TMEM184C: variants seen among roughly 807,000 people sequenced by gnomAD.
TMEM184C encodes transmembrane protein 34.
TMEM184C carries 25 observed loss-of-function variants against 54.5 expected under a neutral mutation model. That is an observed-to-expected ratio of 0.46 (90% CI 0.33 to 0.64). The LOEUF is 0.64. Among genes scored for constraint, TMEM184C ranks in the 30% least tolerant of loss-of-function variants. The probability of loss-of-function intolerance (pLI) is 0.02; values close to 1 mark genes in which losing one functional copy is unlikely to be tolerated. For synonymous variants in TMEM184C, 148 were observed against 181.5 expected, an observed-to-expected ratio of 0.82 and a Z score of 1.49; for missense variants, 335 against 520.3, an observed-to-expected ratio of 0.64 and a Z score of 3.46.
intron 8 of TMEM184C, 124 bp downstream of exon 8, chr4:147,633,126 A>G: frequency 1.4e-6 from 1 of 720,054 alleles, no homozygotes; most frequent in Non-Finnish European, 2.2e-6. Context: ...AGGTGAGAAA[A>G]CAGGGGAACC....
At position 147,622,288 on chromosome 4, in the gene TMEM184C, C is replaced by G. The variant is rs1161088977; in HGVS notation, c.124-1546C>G. Among the ~76,000 whole-genome samples the G allele has an allele frequency of 2.0e-5, 3 of 152,050 alleles. No homozygotes were observed. The East Asian group carries it at 5.8e-4, about 29-fold the overall frequency. ...AAAGGAGATCTAGAATATGCTTATC[C>G]TATTATTATTTTCTTAGATCATCAC... On this transcript the variant is annotated intron_variant, in intron 1 of 9. Transcript: ENST00000296582.
At chr4:147,618,468 A>T (rs1213120461) in intron 1 of TMEM184C, among the ~76,000 whole-genome samples, 2 of 152,178 alleles carry the variant, frequency 1.3e-5, no homozygotes, top group Non-Finnish European at 2.9e-5. Context: ...AGCTTCTTGA[A>T]TCAAAGCGTT....
chr4:147,628,008 A>C (rs1179684405), intron 4 of TMEM184C, among the ~76,000 whole-genome samples: 2 of 151,606 alleles, frequency 1.3e-5, no homozygotes, highest in African/African-American at 4.9e-5. Flanking sequence ...ACAGAAAATA[A>C]ATTAGCCAGG....
At chr4:147,623,668 G>T (rs1173678929) in intron 1 of TMEM184C, among the ~76,000 whole-genome samples, 166 bp from the exon 2 acceptor site, 1 of 150,346 alleles carries the variant, frequency 6.7e-6, no homozygotes, top group East Asian at 1.9e-4. Context: ...GTAGTGACGG[G>T]TTCTCACTTT....
At position 147,629,428 on chromosome 4, in the gene TMEM184C, T is replaced by C. The variant is rs189830698; in HGVS notation, c.573-171T>C. Among the ~76,000 whole-genome samples, 31 of 152,164 alleles carry C rather than the reference T, an allele frequency of 2.0e-4. 2 individuals carry two copies. The East Asian group carries it at 4.6e-3, about 23-fold the overall frequency. On this transcript the variant is annotated intron_variant, in intron 5 of 9. Coordinates refer to ENST00000296582, the MANE Select transcript of TMEM184C (RefSeq NM_018241.3). ...CACCTCTAGATCCAAAGTCAAGTGA[T>C]TGTCAATGGATCTCTCAAATAAACT...
chr4:147,635,214 A>G lies in TMEM184C; in HGVS notation c.*780A>G, dbSNP rs1732996648. Reference sequence around the variant, plus strand: ...AATGTCTTTCAATAAATAAGAATTTATCATTTATTTTCTGCAACTTTTTTA... The same window carrying G: ...AATGTCTTTCAATAAATAAGAATTTGTCATTTATTTTCTGCAACTTTTTTA... On this transcript the variant is annotated 3_prime_UTR_variant, in exon 10 of 10. Coordinates refer to ENST00000296582, the MANE Select transcript of TMEM184C (RefSeq NM_018241.3). 6.6e-6 allele frequency: 1 copy of G among 152,216 alleles called. No homozygotes were observed. The highest frequency in any genetic ancestry group is 6.5e-5 in the Admixed American group (1 of 15,280). The allele number at this position is 152,216 out of a possible 1,614,324, so 9.4% of individuals were successfully genotyped here. A position where few individuals can be genotyped will look rare whatever the true frequency, so the allele number is the denominator to read the frequency against.
intron 1 of TMEM184C, among the ~76,000 whole-genome samples, chr4:147,623,466 A>G (rs1732751304): frequency 1.3e-5 from 2 of 151,620 alleles, no homozygotes; most frequent in African/African-American, 4.8e-5. Context: ...AGAAACAGTG[A>G]TACTTAAGGT....
intron 1 of TMEM184C, among the ~76,000 whole-genome samples, chr4:147,622,945 G>T (rs963566631): frequency 6.6e-6 from 1 of 152,080 alleles, no homozygotes; most frequent in African/African-American, 2.4e-5. Context: ...TTTTTGTAGA[G>T]ATGGCATCTC....
At chr4:147,633,124 A>G in intron 8 of TMEM184C, 122 bp downstream of exon 8, 1 of 728,048 alleles carries the variant, frequency 1.4e-6, no homozygotes, top group Non-Finnish European at 2.2e-6. Context: ...ACAGGTGAGA[A>G]AACAGGGGAA....
intron 3 of TMEM184C, among the ~76,000 whole-genome samples, chr4:147,624,320 A>G (rs972438990): frequency 2.0e-5 from 3 of 151,680 alleles, no homozygotes; most frequent in African/African-American, 7.3e-5. Context: ...TTTCTTTTAA[A>G]CTTTCAGATT....
At chr4:147,624,217 A>G in intron 3 of TMEM184C, 119 bp downstream of exon 3, 1 of 796,208 alleles carries the variant, frequency 1.3e-6, no homozygotes, top group Admixed American at 3.2e-5. Context: ...ATAAGTAAAA[A>G]GGTTCACTTG....
chr4:147,618,149 T>G (rs1732634114), intron 1 of TMEM184C, 70 bp downstream of exon 1: 2 of 1,600,078 alleles, frequency 1.2e-6, no homozygotes, highest in Non-Finnish European at 1.7e-6. Flanking sequence ...AGAGACACCC[T>G]TACCCCATTT....
At position 147,634,648 on chromosome 4, in the gene TMEM184C, A is replaced by G; in HGVS notation, c.*214A>G. 1 of 533,066 alleles carries G rather than the reference A, an allele frequency of 1.9e-6. No homozygotes were observed. The highest frequency in any genetic ancestry group is 3.3e-6 in the Non-Finnish European group (1 of 305,688). The allele number at this position is 533,066 out of a possible 1,614,324, so 33.0% of individuals were successfully genotyped here. ...GACTTAGACTTGATTTCTTAACATT[A>G]GGGTATCGCATACTCAAATGGTAGA... is the stretch of plus-strand genomic sequence containing the variant. On this transcript the variant is annotated 3_prime_UTR_variant, in exon 10 of 10. Transcript: ENST00000296582.
chr4:147,632,338 A>T (rs1732933098), intron 7 of TMEM184C, among the ~76,000 whole-genome samples: 1 of 152,184 alleles, frequency 6.6e-6, no homozygotes, highest in Admixed American at 6.5e-5. Context: ...AACCTGTGTC[A>T]CATATAAAAC....
Position 147,633,016 on chromosome 4 carries a change from T to C in TMEM184C, c.879+14T>C. 2 of 1,601,280 alleles carry C rather than the reference T, an allele frequency of 1.2e-6. No homozygotes were observed. Among genetic ancestry groups the C allele is most frequent in the African/African-American group, 1.3e-5 (1 of 74,652 alleles). The stretch of plus-strand genomic sequence containing the variant: ...ACCGGACTCCAGGTAAGTAGTGCCA[T>C]CTCTGAATTCAATAGAACTTTACTA... On this transcript the variant is annotated intron_variant, in intron 8 of 9. Transcript: ENST00000296582.
intron 5 of TMEM184C, among the ~76,000 whole-genome samples, chr4:147,628,817 T>A (rs939143259): frequency 2.0e-5 from 3 of 152,210 alleles, no homozygotes; most frequent in African/African-American, 7.2e-5. Flanking sequence ...AGAAGTACTC[T>A]AAGAAAGAAG....
In TMEM184C at chr4:147,628,346, C is replaced by A. The variant is rs1210241126; in HGVS notation, c.498-15C>A. On this transcript the variant is annotated splice_polypyrimidine_tract_variant and intron_variant, in intron 4 of 9. Coordinates refer to ENST00000296582, the MANE Select transcript of TMEM184C (RefSeq NM_018241.3). ...AAATGAGTAGTTGAAATTCTAAGTT[C>A]TTTTTCTTTTGCAGAGTATTGCTGT... The A allele has an allele frequency of 6.3e-7, 1 of 1,596,256 alleles. No individual in the cohort carries two copies. Among genetic ancestry groups the A allele is most frequent in the African/African-American group, 1.4e-5 (1 of 73,716 alleles).
At chr4:147,634,005 T>G (rs1383908103) in intron 9 of TMEM184C, 69 bp downstream of exon 9, 1 of 1,548,292 alleles carries the variant, frequency 6.5e-7, no homozygotes, top group Non-Finnish European at 8.7e-7. Flanking sequence ...ACTAGGGCAA[T>G]TTATTATCTA....
intron 4 of TMEM184C, among the ~76,000 whole-genome samples, chr4:147,626,776 TAGTTAGTTATTTCAG>T (rs1359499316): frequency 1.3e-5 from 2 of 152,144 alleles, no homozygotes; most frequent in East Asian, 3.8e-4. Context: ...CACAAATATA[TAGTTAGTTATTTCAG>T]GAAATGCAAT....
Sources: gnomAD v4.1 joint callset for allele counts (sites outside exome capture counted in the v4.1 genomes callset) on GRCh38, gnomAD v4.1.1 for gene constraint, MANE v1.5 for transcripts, NCBI Gene and HGNC (gene_info 2026-07-23, HGNC 2026-07-21) for gene names.